MCU: variants seen among roughly 807,000 people sequenced by gnomAD.
The protein encoded by MCU is calcium uniporter protein, mitochondrial.
A neutral mutation model predicts 45.2 loss-of-function variants in MCU; 12 were observed. That is an observed-to-expected ratio of 0.27 (90% CI 0.17 to 0.43). The LOEUF (loss-of-function observed/expected upper bound fraction) is 0.43, where lower values mean the gene tolerates loss of function less well. MCU is among the 20% of genes least tolerant of loss of function. MCU has a pLI of 1.00. For synonymous variants in MCU, 160 were observed against 165.1 expected, an observed-to-expected ratio of 0.97 and a Z score of 0.24; for missense variants, 324 against 436.7, an observed-to-expected ratio of 0.74 and a Z score of 2.30.
intron 1 of MCU, among the ~76,000 whole-genome samples, chr10:72,768,808 A>G (rs906426855): frequency 3.3e-5 from 5 of 151,772 alleles, no homozygotes; most frequent in African/African-American, 1.2e-4. Context: ...AGACATTTAA[A>G]TTGTCTCAGG....
At chr10:72,805,189 C>CCTTCCTTCCTTCCTTCCTTT (rs1844426436) in intron 1 of MCU, among the ~76,000 whole-genome samples, 1 of 144,590 alleles carries the variant, frequency 6.9e-6, no homozygotes, top group African/African-American at 2.6e-5. Context: ...TTCCTTCCTT[C>CCTTCCTTCCTTCCTTCCTTT]CTTCCTTCCT....
intron 1 of MCU, among the ~76,000 whole-genome samples, chr10:72,753,888 A>C (rs746162689): frequency 3.3e-5 from 5 of 152,080 alleles, no homozygotes; most frequent in Non-Finnish European, 7.4e-5. Context: ...TCCAAAAAAA[A>C]CAAAAAAACA....
At chr10:72,726,277 G>A (rs1255638206) in intron 1 of MCU, among the ~76,000 whole-genome samples, 1 of 149,780 alleles carries the variant, frequency 6.7e-6, no homozygotes, top group Admixed American at 6.6e-5. Context: ...GTGTGTGTGT[G>A]TGTGTGTGTA....
chr10:72,787,475 G>A (rs2132760235), intron 1 of MCU, among the ~76,000 whole-genome samples: 1 of 152,082 alleles, frequency 6.6e-6, no homozygotes, highest in Admixed American at 6.5e-5. Flanking sequence ...CACCATGTTG[G>A]CCAGGCTGGT....
intron 1 of MCU, among the ~76,000 whole-genome samples, chr10:72,746,821 G>T (rs1564545389): frequency 6.6e-6 from 1 of 152,172 alleles, no homozygotes; most frequent in East Asian, 1.9e-4. Context: ...ATCAAGACAT[G>T]TAGTTATTAT....
intron 1 of MCU, among the ~76,000 whole-genome samples, chr10:72,820,095 A>G (rs922598520): frequency 6.6e-6 from 1 of 152,222 alleles, no homozygotes; most frequent in Non-Finnish European, 1.5e-5. Context: ...TCCTGCATCA[A>G]TGGGAATGTG....
At chr10:72,713,868 ATTGT>A (rs924081173) in intron 1 of MCU, among the ~76,000 whole-genome samples, 1 of 150,552 alleles carries the variant, frequency 6.6e-6, no homozygotes, top group African/African-American at 2.5e-5. Flanking sequence ...TTATTTCTTC[ATTGT>A]TTGTTAGGGT....
intron 2 of MCU, among the ~76,000 whole-genome samples, chr10:72,838,108 G>C (rs903195940): frequency 6.6e-6 from 1 of 151,512 alleles, no homozygotes; most frequent in African/African-American, 2.4e-5. Flanking sequence ...TGATCCACCC[G>C]CCTCAGCCTA....
At chr10:72,825,321 A>G (rs983164705) in intron 1 of MCU, among the ~76,000 whole-genome samples, 1 of 152,104 alleles carries the variant, frequency 6.6e-6, no homozygotes, top group African/African-American at 2.4e-5. Flanking sequence ...CATTTGCTTT[A>G]TTTCTCTCTA....
intron 1 of MCU, among the ~76,000 whole-genome samples, chr10:72,703,372 A>G (rs906046021): frequency 4.6e-5 from 7 of 152,224 alleles, no homozygotes; most frequent in Admixed American, 4.6e-4. Flanking sequence ...TGACTTAACC[A>G]TGATCACACA....
intron 1 of MCU, among the ~76,000 whole-genome samples, chr10:72,732,303 T>C (rs1431541870): frequency 6.6e-6 from 1 of 152,228 alleles, no homozygotes. Flanking sequence ...TTTTTTAAGC[T>C]CCTTTTTAGT....
At chr10:72,807,968 A>G (rs768655245) in intron 1 of MCU, among the ~76,000 whole-genome samples, 38 of 152,250 alleles carry the variant, frequency 2.5e-4, no homozygotes, top group Non-Finnish European at 4.7e-4. Context: ...CAATCTAGTC[A>G]ATAAGCAACA....
chr10:72,860,344 C>T (rs758456828), intron 3 of MCU, 79 bp from the exon 4 acceptor site: 19 of 1,245,664 alleles, frequency 1.5e-5, no homozygotes, highest in Admixed American at 2.0e-5. Context: ...TTTTTAAAAA[C>T]GATTTTGAAG....
chr10:72,800,149 C>G (rs900876851), intron 1 of MCU, among the ~76,000 whole-genome samples: 1 of 152,168 alleles, frequency 6.6e-6, no homozygotes, highest in African/African-American at 2.4e-5. Context: ...GACCCTCCCC[C>G]CAGTGCCTTC....
intron 6 of MCU, among the ~76,000 whole-genome samples, chr10:72,883,529 A>G (rs1845736578): frequency 1.3e-5 from 2 of 152,198 alleles, no homozygotes; most frequent in African/African-American, 4.8e-5. Context: ...TGGTACAACC[A>G]TTTTGGAAAC....
At chr10:72,765,204 G>A (rs1843708833) in intron 1 of MCU, among the ~76,000 whole-genome samples, 1 of 151,984 alleles carries the variant, frequency 6.6e-6, no homozygotes, top group Non-Finnish European at 1.5e-5. Context: ...ATAGCATAGT[G>A]CAGTTAATTT....
chr10:72,726,792 C>T (rs184423559), intron 1 of MCU, among the ~76,000 whole-genome samples: 21 of 152,222 alleles, frequency 1.4e-4, no homozygotes, highest in Admixed American at 1.3e-4. Flanking sequence ...TTTCCAAGGT[C>T]CCTTCTGGTT....
At chr10:72,801,836 T>A (rs1276170023) in intron 1 of MCU, among the ~76,000 whole-genome samples, 1 of 151,966 alleles carries the variant, frequency 6.6e-6, no homozygotes, top group East Asian at 1.9e-4. Flanking sequence ...TATGCCTGGC[T>A]AAGTTTTTGT....
At chr10:72,743,787 T>C (rs962188845) in intron 1 of MCU, among the ~76,000 whole-genome samples, 1 of 152,190 alleles carries the variant, frequency 6.6e-6, no homozygotes, top group African/African-American at 2.4e-5. Context: ...ATGTGTATGA[T>C]GGAATTTGAG....
Sources: gnomAD v4.1 joint callset for allele counts (sites outside exome capture counted in the v4.1 genomes callset) on GRCh38, gnomAD v4.1.1 for gene constraint, MANE v1.5 for transcripts, NCBI Gene and HGNC (gene_info 2026-07-23, HGNC 2026-07-21) for gene names.